The following FKBP1A variants were observed in gnomAD, a reference collection of about 807,000 sequenced individuals.
FKBP1A encodes peptidyl-prolyl cis-trans isomerase FKBP1A.
In FKBP1A, 5 loss-of-function variants were observed where a neutral mutation model predicts 14.2. That is an observed-to-expected ratio of 0.35 (90% confidence interval 0.18 to 0.74). The LOEUF is 0.74. FKBP1A is among the 30% of genes least tolerant of loss of function. FKBP1A has a pLI of 0.56. For synonymous variants in FKBP1A, 42 were observed against 49.1 expected, an observed-to-expected ratio of 0.86 and a Z score of 0.60; for missense variants, 53 against 138.8, an observed-to-expected ratio of 0.38 and a Z score of 3.10.
rs997402830 is a variant in FKBP1A, at chr20:1,386,594, A to G, written c.85+6240T>C. On this transcript the variant is annotated intron_variant, in intron 2 of 4. Transcript: ENST00000400137. This position sits in a 1 kb window ranked among gnomAD's most constrained non-coding sequence, Gnocchi z 4.7. ...ATTAGAAGCATGCATGTATGCATCC[A>G]AAGTGTTACTTAAGCTGTGCTATAA... Among the ~76,000 whole-genome samples the G allele has an allele frequency of 6.6e-6, 1 of 152,216 alleles. No individual in the cohort carries two copies. Among genetic ancestry groups the G allele is most frequent in the South Asian group, 2.1e-4 (1 of 4,834 alleles).
chr20:1,375,814 C>T (rs939929585), intron 2 of FKBP1A, among the ~76,000 whole-genome samples: 21 of 152,104 alleles, frequency 1.4e-4, no homozygotes, highest in Non-Finnish European at 1.5e-5. Context: ...TGACTCCAAG[C>T]AATAACTCGA....
intron 2 of FKBP1A, among the ~76,000 whole-genome samples, chr20:1,376,087 A>T (rs555638014): frequency 3.9e-4 from 60 of 152,270 alleles, no homozygotes; most frequent in African/African-American, 1.4e-3. Context: ...GTGCAGGCAA[A>T]TCCCCCTCCA....
intron 4 of FKBP1A, 69 bp from the exon 5 acceptor site, chr20:1,370,141 C>G: frequency 6.6e-7 from 1 of 1,525,504 alleles, no homozygotes; most frequent in Non-Finnish European, 8.8e-7. Context: ...GCGACAGCCA[C>G]GATGCCATCT....
At chr20:1,376,971 CA>C (rs1757821474) in intron 2 of FKBP1A, 1 of 152,186 alleles carries the variant, frequency 6.6e-6, no homozygotes, top group Non-Finnish European at 1.5e-5. Context: ...TGATAGCTGA[CA>C]CTGAGTTCCT....
At chr20:1,382,276 G>A (rs576417349) in intron 2 of FKBP1A, among the ~76,000 whole-genome samples, 7 of 152,262 alleles carry the variant, frequency 4.6e-5, no homozygotes, top group Non-Finnish European at 5.9e-5. Context: ...TAAAGAAAGC[G>A]TGCCCTGCTC....
chr20:1,385,122 G>A (rs8117213), intron 2 of FKBP1A, among the ~76,000 whole-genome samples: 286 of 152,294 alleles, frequency 1.9e-3, no homozygotes, highest in African/African-American at 6.6e-3. Flanking sequence ...GGGTGCAGTG[G>A]CTCACGCCTG....
chr20:1,377,438 A>G (rs2089560927), intron 2 of FKBP1A: 1 of 152,252 alleles, frequency 6.6e-6, no homozygotes, highest in Non-Finnish European at 1.5e-5. Context: ...ACCTGCTCCA[A>G]GGAACTGGTG....
chr20:1,371,954 A>G (rs897678969), intron 4 of FKBP1A, 122 bp downstream of exon 4: 11 of 1,457,776 alleles, frequency 7.5e-6, no homozygotes, highest in Admixed American at 2.8e-5. Flanking sequence ...CAATACAGAA[A>G]GAATGCAGGG....
rs537988648 is a variant in FKBP1A, at chr20:1,379,082, G to T, written c.86-3479C>A. On this transcript the variant is annotated intron_variant, in intron 2 of 4. Coordinates refer to ENST00000400137, the MANE Select transcript of FKBP1A (RefSeq NM_000801.5). The surrounding 1 kb of genome is among the most constrained non-coding windows in gnomAD (Gnocchi z 4.3). Reference sequence around the variant, plus strand: ...CATAACCCACAATTTGGAAAGTACGGTATACCTATAAAAAATTAGCCTTAT... The same window carrying T: ...CATAACCCACAATTTGGAAAGTACGTTATACCTATAAAAAATTAGCCTTAT... 1.3e-5 allele frequency among the ~76,000 whole-genome samples: 2 copies of T among 152,224 alleles called. No homozygotes were observed. Among genetic ancestry groups the T allele is most frequent in the South Asian group, 4.1e-4 (2 of 4,828 alleles).
intron 2 of FKBP1A, among the ~76,000 whole-genome samples, chr20:1,392,223 G>C (rs2089746340): frequency 6.6e-6 from 1 of 152,190 alleles, no homozygotes; most frequent in Admixed American, 6.5e-5. Context: ...AAAGTAAAAA[G>C]ACGGAAGAAG....
chr20:1,371,031 C>T, intron 4 of FKBP1A: 1 of 985,424 alleles, frequency 1.0e-6, no homozygotes, highest in South Asian at 4.7e-5. Flanking sequence ...CAGATGTGCA[C>T]AACAGGACCA....
chr20:1,383,792 G>A (rs551354987), intron 2 of FKBP1A, among the ~76,000 whole-genome samples: 5 of 148,994 alleles, frequency 3.4e-5, no homozygotes, highest in African/African-American at 1.0e-4. Context: ...AGCTATGACC[G>A]CACAAGTACA....
chr20:1,380,626 G>A (rs189766384), intron 2 of FKBP1A, among the ~76,000 whole-genome samples: 29 of 152,192 alleles, frequency 1.9e-4, no homozygotes, highest in African/African-American at 6.7e-4. Flanking sequence ...AACTGTTTCC[G>A]GGTAACTTAA....
chr20:1,391,499 A>T, intron 2 of FKBP1A: 1 of 393,666 alleles, frequency 2.5e-6, no homozygotes, highest in African/African-American at 2.1e-5. Flanking sequence ...CCTTTGGCAG[A>T]ATTTTTAAAG....
In FKBP1A at chr20:1,370,040, T is replaced by C. The variant is rs1259197422; in HGVS notation, c.*69A>G. On this transcript the variant is annotated 3_prime_UTR_variant, in exon 5 of 5. Coordinates refer to ENST00000400137, the MANE Select transcript of FKBP1A (RefSeq NM_000801.5). ...AGCTCCATATGGATTCATGTGCACATGTCTGGAGGCACCAGATCCCTCCAT... is the reference window on the plus strand; with the variant it reads ...AGCTCCATATGGATTCATGTGCACACGTCTGGAGGCACCAGATCCCTCCAT... The C allele has an allele frequency of 6.5e-6, 10 of 1,550,092 alleles. No individual in the cohort carries two copies. Among genetic ancestry groups the C allele is most frequent in the South Asian group, 1.2e-5 (1 of 84,064 alleles).
intron 2 of FKBP1A, among the ~76,000 whole-genome samples, chr20:1,384,919 A>C (rs1479986249): frequency 6.6e-6 from 1 of 152,176 alleles, no homozygotes; most frequent in Non-Finnish European, 1.5e-5. Context: ...CTATAACCAA[A>C]AGTGTATTTT....
intron 2 of FKBP1A, among the ~76,000 whole-genome samples, chr20:1,383,162 G>A (rs1187500474): frequency 1.3e-5 from 2 of 152,096 alleles, no homozygotes; most frequent in Non-Finnish European, 2.9e-5. Context: ...TTGGGGAAGG[G>A]CAGAGTGCCA....
intron 4 of FKBP1A, chr20:1,370,287 T>A (rs2089446026): frequency 1.0e-6 from 1 of 985,354 alleles, no homozygotes; most frequent in Admixed American, 6.1e-5. Flanking sequence ...CTGTGTGTTT[T>A]GTTTAATCTA....
chr20:1,375,878 G>C (rs1000306276), intron 2 of FKBP1A, among the ~76,000 whole-genome samples: 1 of 152,130 alleles, frequency 6.6e-6, no homozygotes, highest in African/African-American at 2.4e-5. Flanking sequence ...TTCTTCTGGA[G>C]ATGGGGAGTA....
Sources: gnomAD v4.1 joint callset for allele counts (sites outside exome capture counted in the v4.1 genomes callset) on GRCh38, gnomAD v4.1.1 for gene constraint, Gnocchi (gnomAD v3.1) non-coding constraint, MANE v1.5 for transcripts, NCBI Gene and HGNC (gene_info 2026-07-23, HGNC 2026-07-21) for gene names.